RABGAP1: variants seen among roughly 807,000 people sequenced by gnomAD.
RABGAP1 encodes the protein rab GTPase-activating protein 1.
A neutral mutation model predicts 137.6 loss-of-function variants in RABGAP1; 23 were observed. The observed-to-expected ratio is 0.17, with a 90% CI of 0.12 to 0.24. The LOEUF (loss-of-function observed/expected upper bound fraction) is 0.24, where lower values mean the gene tolerates loss of function less well. Ranked by LOEUF, RABGAP1 falls within the 10% of genes least tolerant of loss-of-function variation. RABGAP1 has a pLI of 1.00. For missense variants in RABGAP1, 906 were observed against 1,275.8 expected (o/e 0.71, Z 4.42); for synonymous variants, 451 against 450.7 (o/e 1.00, Z -0.01).
At chr9:123,097,452 T>C (rs1490416545) in intron 21 of RABGAP1, among the ~76,000 whole-genome samples, 1 of 152,164 alleles carries the variant, frequency 6.6e-6, no homozygotes. Flanking sequence ...CTTAGAGAGG[T>C]TCTCAATGAC....
chr9:123,102,825 C>T (rs2035382472), intron 25 of RABGAP1, among the ~76,000 whole-genome samples: 1 of 152,140 alleles, frequency 6.6e-6, no homozygotes, highest in African/African-American at 2.4e-5. Flanking sequence ...TACCTGTCTG[C>T]CTGGTGTGCA....
chr9:123,002,629 T>A (rs1047587479), intron 10 of RABGAP1, among the ~76,000 whole-genome samples: 2 of 151,816 alleles, frequency 1.3e-5, no homozygotes, highest in African/African-American at 4.8e-5. Context: ...TATTTAATTT[T>A]ATTTTTAAAA....
intron 13 of RABGAP1, among the ~76,000 whole-genome samples, chr9:123,033,220 T>A (rs2032402063): frequency 6.6e-6 from 1 of 152,208 alleles, no homozygotes; most frequent in Non-Finnish European, 1.5e-5. Flanking sequence ...GCCATACACT[T>A]AAAGGAAGTT....
At chr9:123,096,180 T>G (rs1317139717) in intron 21 of RABGAP1, among the ~76,000 whole-genome samples, 1 of 149,342 alleles carries the variant, frequency 6.7e-6, no homozygotes, top group Non-Finnish European at 1.5e-5. Flanking sequence ...CTGTGCATTT[T>G]TCTTTTTCTC....
At chr9:123,098,632 GA>G in intron 22 of RABGAP1, 82 bp from the exon 23 acceptor site, 2 of 1,193,122 alleles carry the variant, frequency 1.7e-6, no homozygotes, top group Non-Finnish European at 2.4e-6. Context: ...CAGTTTTTGG[GA>G]AGCCTAGCAC....
intron 13 of RABGAP1, among the ~76,000 whole-genome samples, chr9:123,031,813 A>G (rs2032316703): frequency 6.6e-6 from 1 of 152,220 alleles, no homozygotes; most frequent in African/African-American, 2.4e-5. Context: ...TCTACAGGAC[A>G]TCTTCCATCT....
At chr9:122,987,267 G>GT (rs1479555622) in intron 4 of RABGAP1, among the ~76,000 whole-genome samples, 1 of 152,128 alleles carries the variant, frequency 6.6e-6, no homozygotes, top group Non-Finnish European at 1.5e-5. Context: ...TAAATATACT[G>GT]TTGCTCAATA....
At chr9:122,950,378 T>TTTTTTTTTTTTTTTTTTTTTTTTTG (rs1834173422) in intron 1 of RABGAP1, among the ~76,000 whole-genome samples, 1 of 2,696 alleles carries the variant, frequency 3.7e-4, no homozygotes, top group African/African-American at 1.4e-3. Flanking sequence ...TTTTTCTTTC[T>TTTTTTTTTTTTTTTTTTTTTTTTTG]TTTTTTTTTT....
At chr9:122,986,697 G>T (rs1836389700) in intron 4 of RABGAP1, among the ~76,000 whole-genome samples, 1 of 152,146 alleles carries the variant, frequency 6.6e-6, no homozygotes, top group African/African-American at 2.4e-5. Context: ...CAGCCTAAAA[G>T]ATTATATTTT....
chr9:123,068,880 T>A (rs944936747), intron 14 of RABGAP1, among the ~76,000 whole-genome samples: 1 of 152,222 alleles, frequency 6.6e-6, no homozygotes, highest in Non-Finnish European at 1.5e-5. Flanking sequence ...GAGTTATATA[T>A]TCTAAACATA....
intron 1 of RABGAP1, chr9:122,945,229 T>C (rs1469227307): frequency 6.7e-6 from 1 of 149,832 alleles, no homozygotes; most frequent in East Asian, 1.9e-4. Context: ...GATCCTGAGA[T>C]CATTATTCTT....
chr9:123,012,981 C>T (rs1350504364), intron 11 of RABGAP1, among the ~76,000 whole-genome samples: 1 of 152,114 alleles, frequency 6.6e-6, no homozygotes, highest in African/African-American at 2.4e-5. Flanking sequence ...GGCAGAAACC[C>T]AGAAATTATA....
At chr9:123,010,673 C>A in intron 11 of RABGAP1, 145 bp downstream of exon 11, 2 of 763,556 alleles carry the variant, frequency 2.6e-6, no homozygotes, top group Non-Finnish European at 3.9e-6. Context: ...ATGTAAGTAG[C>A]TGTGGGAGAT....
chr9:123,087,944 A>G (rs954226445), intron 19 of RABGAP1, among the ~76,000 whole-genome samples: 4 of 152,028 alleles, frequency 2.6e-5, no homozygotes, highest in African/African-American at 9.7e-5. Context: ...TGAGAGTCCT[A>G]GTTACCTGGA....
chr9:123,000,389 C>A (rs1230386722), intron 10 of RABGAP1, among the ~76,000 whole-genome samples: 1 of 152,118 alleles, frequency 6.6e-6, no homozygotes, highest in Non-Finnish European at 1.5e-5. Flanking sequence ...CCTACTGCTT[C>A]CATTTTTACT....
chr9:123,007,708 G>A (rs1016415895), intron 10 of RABGAP1, among the ~76,000 whole-genome samples: 1 of 151,176 alleles, frequency 6.6e-6, no homozygotes, highest in African/African-American at 2.4e-5. Flanking sequence ...GAGCCATCAT[G>A]CCTGGCCACT....
At chr9:122,968,308 C>T (rs775066953) in intron 2 of RABGAP1, among the ~76,000 whole-genome samples, 2 of 151,020 alleles carry the variant, frequency 1.3e-5, no homozygotes, top group Non-Finnish European at 3.0e-5. Context: ...CTGCAACCTC[C>T]ACTTACTGAT....
chr9:123,053,843 C>A (rs960508380), intron 13 of RABGAP1, among the ~76,000 whole-genome samples: 1 of 152,132 alleles, frequency 6.6e-6, no homozygotes, highest in Non-Finnish European at 1.5e-5. Context: ...TGGGTACTTT[C>A]TTTTCTTCCT....
chr9:122,960,024 C>T (rs1452947055), intron 2 of RABGAP1, among the ~76,000 whole-genome samples: 1 of 152,206 alleles, frequency 6.6e-6, no homozygotes, highest in East Asian at 1.9e-4. Flanking sequence ...GAATGGGCTT[C>T]ATGCACGACA....
Sources: allele counts gnomAD v4.1 joint callset (sites outside exome capture counted in the v4.1 genomes callset), GRCh38; gene constraint gnomAD v4.1.1; transcripts MANE v1.5; gene names NCBI Gene and HGNC (gene_info 2026-07-23, HGNC 2026-07-21).